Variants in RHOBTB1 observed in about 807,000 individuals in gnomAD.
RHOBTB1 encodes rho-related BTB domain-containing protein 1.
A neutral mutation model predicts 71.6 loss-of-function variants in RHOBTB1; 40 were observed. That is an observed-to-expected ratio of 0.56 (90% confidence interval 0.43 to 0.73). The LOEUF (loss-of-function observed/expected upper bound fraction) is 0.73, where lower values mean the gene tolerates loss of function less well. RHOBTB1 is among the 30% of genes least tolerant of loss of function. RHOBTB1 has a pLI of 0.00. For synonymous variants in RHOBTB1, 319 were observed against 334.9 expected (o/e 0.95, Z 0.52); for missense variants, 797 against 894.0 (o/e 0.89, Z 1.38).
intron 2 of RHOBTB1, among the ~76,000 whole-genome samples, chr10:60,985,344 A>G (rs1449516297): frequency 6.6e-6 from 1 of 152,204 alleles, no homozygotes; most frequent in Admixed American, 6.5e-5. Context: ...CTCACTTGGG[A>G]TGACTCTAGT....
intron 2 of RHOBTB1, among the ~76,000 whole-genome samples, chr10:60,980,444 T>C (rs1040673222): frequency 1.3e-5 from 2 of 152,176 alleles, no homozygotes; most frequent in Non-Finnish European, 2.9e-5. Context: ...TGTCCCTCCT[T>C]AACATTGTCT....
intron 5 of RHOBTB1, among the ~76,000 whole-genome samples, chr10:60,891,397 G>T (rs898818438): frequency 7.4e-6 from 1 of 135,624 alleles, no homozygotes. Flanking sequence ...CTGGAGTGAA[G>T]TGGTGCAATC....
chr10:60,868,349 A>T (rs1432631430), downstream of RHOBTB1, among the ~76,000 whole-genome samples: 1 of 152,180 alleles, frequency 6.6e-6, no homozygotes, highest in African/African-American at 2.4e-5. Context: ...ATTAAAAAAA[A>T]TCCAATTCAT....
Position 60,957,139 on chromosome 10 carries a change from A to G in RHOBTB1, c.-61-15285T>C, listed in dbSNP as rs572932339. On this transcript the variant is annotated intron_variant, in intron 2 of 11. Transcript: ENST00000357917. Reference sequence around the variant, plus strand: ...GGAATACCTCCTGAAAGACCAGCCTAAGGCTGTTTGACACTTAACTTAAAA... The same window carrying G: ...GGAATACCTCCTGAAAGACCAGCCTGAGGCTGTTTGACACTTAACTTAAAA... Among the ~76,000 whole-genome samples the G allele has an allele frequency of 1.6e-3, 249 of 152,332 alleles. 1 individual carries two copies. Among genetic ancestry groups the G allele is most frequent in the Non-Finnish European group, 2.6e-3 (178 of 68,008 alleles).
intron 2 of RHOBTB1, among the ~76,000 whole-genome samples, chr10:60,961,841 C>T (rs1036051752): frequency 6.8e-6 from 1 of 146,292 alleles, no homozygotes; most frequent in African/African-American, 2.6e-5. Context: ...CAGAGTTTCC[C>T]TCTATCACCC....
intron 2 of RHOBTB1, among the ~76,000 whole-genome samples, chr10:60,923,809 A>G (rs543482949): frequency 1.3e-5 from 2 of 152,274 alleles, no homozygotes; most frequent in Admixed American, 1.3e-4. Flanking sequence ...TTCTGCTTTC[A>G]CTTGGATCTC....
At chr10:60,969,704 T>A (rs1050469246) in intron 2 of RHOBTB1, among the ~76,000 whole-genome samples, 1 of 152,128 alleles carries the variant, frequency 6.6e-6, no homozygotes, top group African/African-American at 2.4e-5. Context: ...GAGTTTAGGA[T>A]CATCATCTAT....
rs760124558 is a variant in RHOBTB1, at chr10:60,886,184, C to T, written c.1503G>A (p.Pro501=). The part of the protein sequence containing the change: ...LDDGAISAHK[P]LLICSCEWMA... Reference sequence around the variant, plus strand: ...TCCACTCACAGCTACAGATCAGCAGCGGCTTGTGGGCACTGATGGCTCCAT... The same window carrying T: ...TCCACTCACAGCTACAGATCAGCAGTGGCTTGTGGGCACTGATGGCTCCAT... The change falls in exon 7 of 11, where the codon CCG becomes CCA. Residue 501 remains proline (P), a synonymous_variant. Transcript: ENST00000337910. 43 of 1,613,940 alleles carry T rather than the reference C, an allele frequency of 2.7e-5. No individual in the cohort carries two copies. The highest frequency in any genetic ancestry group is 1.1e-4 in the South Asian group (10 of 91,078).
intron 7 of RHOBTB1, among the ~76,000 whole-genome samples, chr10:60,884,259 C>G (rs184678832): frequency 1.3e-5 from 2 of 152,040 alleles, no homozygotes; most frequent in Non-Finnish European, 2.9e-5. Flanking sequence ...TGGGAGTGCT[C>G]GAATTTCTTG....
chr10:60,907,425 A>C (rs1377889354), intron 4 of RHOBTB1, among the ~76,000 whole-genome samples: 1 of 152,196 alleles, frequency 6.6e-6, no homozygotes, highest in Non-Finnish European at 1.5e-5. Flanking sequence ...AGTCATGGTT[A>C]CTATGTATGG....
At chr10:60,875,161 G>A (rs979943540) in intron 8 of RHOBTB1, 119 bp from the exon 9 acceptor site, 1 of 702,912 alleles carries the variant, frequency 1.4e-6, no homozygotes, top group Admixed American at 2.2e-5. Context: ...ACAGCTCTGG[G>A]CAGGCATCTG....
intron 5 of RHOBTB1, among the ~76,000 whole-genome samples, chr10:60,890,345 CTT>C (rs889853840): frequency 6.6e-6 from 1 of 152,058 alleles, no homozygotes; most frequent in Non-Finnish European, 1.5e-5. Context: ...CAAGAAAAGT[CTT>C]TACATAACAC....
intron 2 of RHOBTB1, among the ~76,000 whole-genome samples, chr10:60,984,394 A>C (rs150516216): frequency 6.6e-6 from 1 of 152,224 alleles, no homozygotes; most frequent in South Asian, 2.1e-4. Context: ...TATGCATATG[A>C]CTATTCTGAA....
chr10:60,938,906 TA>T (rs1181853143), intron 2 of RHOBTB1, among the ~76,000 whole-genome samples: 1 of 152,026 alleles, frequency 6.6e-6, no homozygotes, highest in African/African-American at 2.4e-5. Context: ...TGGCATCTAG[TA>T]GGGGCATAAA....
At chr10:60,869,218 T>C (rs1435854525), downstream of RHOBTB1, among the ~76,000 whole-genome samples, 3 of 152,228 alleles carry the variant, frequency 2.0e-5, no homozygotes, top group Non-Finnish European at 4.4e-5. Context: ...ACATACTGTA[T>C]TAGCCAAGAG....
At chr10:60,880,880 G>A (rs2081297306) in intron 7 of RHOBTB1, among the ~76,000 whole-genome samples, 2 of 152,160 alleles carry the variant, frequency 1.3e-5, no homozygotes, top group Non-Finnish European at 2.9e-5. Context: ...TTTATTTACA[G>A]GTATCCATAC....
At chr10:60,940,737 T>C (rs1403802535) in intron 2 of RHOBTB1, among the ~76,000 whole-genome samples, 3 of 152,180 alleles carry the variant, frequency 2.0e-5, no homozygotes, top group African/African-American at 7.2e-5. Flanking sequence ...CTCTCACCGA[T>C]TAATCATCTA....
At chr10:60,978,668 C>T (rs927310723) in intron 2 of RHOBTB1, among the ~76,000 whole-genome samples, 1 of 152,120 alleles carries the variant, frequency 6.6e-6, no homozygotes, top group East Asian at 1.9e-4. Flanking sequence ...TTTCTCAGCT[C>T]GCATCCAGAA....
chr10:60,878,715 AC>A, intron 7 of RHOBTB1, among the ~76,000 whole-genome samples: 1 of 152,220 alleles, frequency 6.6e-6, no homozygotes, highest in Non-Finnish European at 1.5e-5. Context: ...GTACAGGTGA[AC>A]TGTCCCTTGT....
Sources: allele counts gnomAD v4.1 joint callset (sites outside exome capture counted in the v4.1 genomes callset), GRCh38; gene constraint gnomAD v4.1.1; transcripts MANE v1.5; gene names NCBI Gene and HGNC (gene_info 2026-07-23, HGNC 2026-07-21).